FBLN2: variants seen among roughly 807,000 people sequenced by gnomAD.
FBLN2 encodes fibulin 2.
A neutral mutation model predicts 123.7 loss-of-function variants in FBLN2; 81 were observed. The ratio of observed to expected loss-of-function variants is 0.65; its 90% CI spans 0.55 to 0.79. FBLN2 has a LOEUF of 0.79. Ranked by LOEUF, FBLN2 falls within the 30% of genes least tolerant of loss-of-function variation. The pLI, the probability that FBLN2 is intolerant of heterozygous loss-of-function variation, is 0.00. For missense variants in FBLN2, 1,603 were observed against 1,681.3 expected (o/e 0.95, Z 0.81); for synonymous variants, 699 against 701.4 (o/e 1.00, Z 0.05).
rs574629860 is a variant in FBLN2 at position 13,617,686 on chromosome 3, A to ACCATCCAT, written c.1730-361_1730-354dup. 6.7e-3 allele frequency among the ~76,000 whole-genome samples: 416 copies of ACCATCCAT among 61,878 alleles called. 30 individuals carry two copies. Among genetic ancestry groups the ACCATCCAT allele is most frequent in the African/African-American group, 0.038 (372 of 9,742 alleles). 40.6% of individuals were successfully genotyped at this position (61,878 alleles called of 152,430 possible). A position where few individuals can be genotyped will look rare whatever the true frequency, so the allele number is the denominator to read the frequency against. On this transcript the variant is annotated intron_variant, in intron 5 of 17. Coordinates refer to ENST00000404922, the MANE Select transcript of FBLN2 (RefSeq NM_001004019.2). ...ACCCATCCACCCACCCATCCATCTA[A>ACCATCCAT]CCATCCATCCATCCATCCATCCATC...
intron 1 of FBLN2, among the ~76,000 whole-genome samples, chr3:13,558,815 A>G (rs1476037332): frequency 9.1e-6 from 1 of 110,112 alleles, no homozygotes; most frequent in Admixed American, 8.9e-5. Context: ...CCACCCACCT[A>G]CCTACCCATT....
At chr3:13,576,094 C>A (rs1704133076) in intron 2 of FBLN2, among the ~76,000 whole-genome samples, 1 of 152,204 alleles carries the variant, frequency 6.6e-6, no homozygotes, top group African/African-American at 2.4e-5. Context: ...CTGGAGGAAC[C>A]CACAGAGACC....
At chr3:13,618,670 C>T (rs184564632) in intron 6 of FBLN2, among the ~76,000 whole-genome samples, 31 of 152,212 alleles carry the variant, frequency 2.0e-4, no homozygotes, top group African/African-American at 7.5e-4. Context: ...TTTCCTTTCC[C>T]CCCTCTCTTC....
intron 2 of FBLN2, among the ~76,000 whole-genome samples, chr3:13,574,898 C>T (rs534153897): frequency 8.5e-5 from 13 of 152,286 alleles, no homozygotes; most frequent in African/African-American, 2.9e-4. Flanking sequence ...TCCCATGCTG[C>T]GTGCACATGG....
chr3:13,575,559 A>G (rs1028156), intron 2 of FBLN2, among the ~76,000 whole-genome samples: 7,011 of 152,182 alleles, frequency 0.046, 249 homozygotes, highest in South Asian at 0.14. Flanking sequence ...TCCTCATCAA[A>G]GCCCACACCT....
intron 10 of FBLN2, 35 bp from the exon 11 acceptor site, chr3:13,627,797 C>A (rs905237774): frequency 1.3e-6 from 2 of 1,594,304 alleles, no homozygotes; most frequent in Admixed American, 1.7e-5. Context: ...CAGGACCTGC[C>A]CCCCAGCCCT....
chr3:13,622,378 C>T (rs1261727376), intron 9 of FBLN2, among the ~76,000 whole-genome samples: 1 of 152,190 alleles, frequency 6.6e-6, no homozygotes, highest in African/African-American at 2.4e-5. Flanking sequence ...GATTGTGTGA[C>T]ATGTATGTGG....
At chr3:13,615,832 A>T (rs983572529) in intron 5 of FBLN2, among the ~76,000 whole-genome samples, 1 of 152,178 alleles carries the variant, frequency 6.6e-6, no homozygotes, top group Non-Finnish European at 1.5e-5. Flanking sequence ...CTTCTGCCCC[A>T]GCCTTCCTGA....
intron 2 of FBLN2, among the ~76,000 whole-genome samples, chr3:13,580,299 C>T (rs1704282429): frequency 6.6e-6 from 1 of 152,120 alleles, no homozygotes; most frequent in African/African-American, 2.4e-5. Context: ...AGACGTTGTT[C>T]ACTTGTTCGC....
chr3:13,600,058 A>AGC (rs1454705283), intron 2 of FBLN2, among the ~76,000 whole-genome samples: 9 of 149,480 alleles, frequency 6.0e-5, no homozygotes, highest in Non-Finnish European at 1.3e-4. Flanking sequence ...AGAGAGAGAG[A>AGC]GAGCGATAGA....
intron 1 of FBLN2, among the ~76,000 whole-genome samples, chr3:13,558,448 C>T (rs1703518074): frequency 6.6e-6 from 1 of 152,004 alleles, no homozygotes; most frequent in South Asian, 2.1e-4. Context: ...GTGAAAGTGC[C>T]TCTGTATGAA....
At chr3:13,629,431 C>G (rs1393585143) in intron 13 of FBLN2, 139 bp downstream of exon 13, 1 of 1,216,048 alleles carries the variant, frequency 8.2e-7, no homozygotes, top group African/African-American at 1.5e-5. Context: ...CGCCTTCCAG[C>G]TGGCCTCATC....
intron 1 of FBLN2, among the ~76,000 whole-genome samples, chr3:13,551,661 A>G (rs1285102455): frequency 4.6e-5 from 7 of 152,042 alleles, no homozygotes; most frequent in African/African-American, 1.7e-4. Context: ...CACACGCAAT[A>G]GGTGCTTCGT....
intron 2 of FBLN2, among the ~76,000 whole-genome samples, chr3:13,585,074 C>T (rs957399940): frequency 2.6e-5 from 4 of 152,178 alleles, no homozygotes; most frequent in African/African-American, 4.8e-5. Flanking sequence ...CATCTGTCAC[C>T]GTGTGGCCCC....
intron 1 of FBLN2, among the ~76,000 whole-genome samples, chr3:13,555,684 G>C (rs933820469): frequency 1.3e-5 from 2 of 151,862 alleles, no homozygotes; most frequent in African/African-American, 2.4e-5. Flanking sequence ...TCGATCTCCT[G>C]ACCTTGTGAT....
intron 10 of FBLN2, among the ~76,000 whole-genome samples, chr3:13,627,205 G>A (rs1263135504): frequency 4.6e-5 from 7 of 151,972 alleles, no homozygotes; most frequent in African/African-American, 1.7e-4. Flanking sequence ...TGAATGAGAA[G>A]CTCCTGGGGA....
At position 13,593,732 on chromosome 3, in the gene FBLN2, A is replaced by T. The variant is rs1014406062; in HGVS notation, c.1307-14330A>T. On this transcript the variant is annotated intron_variant, in intron 2 of 17. Coordinates refer to ENST00000404922, the MANE Select transcript of FBLN2 (RefSeq NM_001004019.2). ...CTATCTCAAAAAAAAAAAAAAAAAA[A>T]GTGGAAGATAATTGCCCCTAGCCTG... Among the ~76,000 whole-genome samples the T allele has an allele frequency of 5.5e-4, 82 of 149,654 alleles. 1 individual carries two copies. The highest frequency in any genetic ancestry group is 2.0e-3 in the African/African-American group (79 of 40,262).
At chr3:13,557,987 G>A (rs760786866) in intron 1 of FBLN2, among the ~76,000 whole-genome samples, 4 of 152,190 alleles carry the variant, frequency 2.6e-5, no homozygotes, top group East Asian at 1.9e-4. Context: ...TGAGCCCAAC[G>A]GTTATACCAC....
chr3:13,569,818 C>T (rs556461753), intron 1 of FBLN2, among the ~76,000 whole-genome samples: 14 of 138,306 alleles, frequency 1.0e-4, no homozygotes, highest in South Asian at 6.7e-4. Flanking sequence ...AGGGATTGGT[C>T]GGGTGTGTGC....
Sources: gnomAD v4.1 joint callset for allele counts (sites outside exome capture counted in the v4.1 genomes callset) on GRCh38, gnomAD v4.1.1 for gene constraint, MANE v1.5 for transcripts, NCBI Gene and HGNC (gene_info 2026-07-23, HGNC 2026-07-21) for gene names.